TNR: variants seen among roughly 807,000 people sequenced by gnomAD.
TNR encodes the protein tenascin R.
A neutral mutation model predicts 150.4 loss-of-function variants in TNR; 45 were observed. The observed-to-expected ratio is 0.30, with a 90% CI of 0.24 to 0.38. The LOEUF is 0.38. TNR is among the 10% of genes least tolerant of loss of function. The pLI, the probability that TNR is intolerant of heterozygous loss-of-function variation, is 1.00. For synonymous variants in TNR, 687 were observed against 678.4 expected, an observed-to-expected ratio of 1.01 and a Z score of -0.20; for missense variants, 1,544 against 1,759.1, an observed-to-expected ratio of 0.88 and a Z score of 2.19.
At chr1:175,458,894 CAACT>C (rs1301927860) in intron 2 of TNR, among the ~76,000 whole-genome samples, 3 of 152,044 alleles carry the variant, frequency 2.0e-5, no homozygotes, top group Non-Finnish European at 4.4e-5. Context: ...CACTGTCCTC[CAACT>C]GTCATCATCG....
intron 1 of TNR, among the ~76,000 whole-genome samples, chr1:175,710,320 C>G (rs1666972331): frequency 6.6e-6 from 1 of 152,054 alleles, no homozygotes; most frequent in Non-Finnish European, 1.5e-5. Context: ...GACAGTGAAG[C>G]CTTCCCTGAG....
At chr1:175,344,560 G>T (rs1010832473) in intron 18 of TNR, among the ~76,000 whole-genome samples, 1 of 152,088 alleles carries the variant, frequency 6.6e-6, no homozygotes, top group South Asian at 2.1e-4. Flanking sequence ...CTGTCCTATT[G>T]AATAGTACAA....
chr1:175,530,722 C>CT (rs36074804), intron 1 of TNR, among the ~76,000 whole-genome samples: 70,174 of 149,486 alleles, frequency 0.47, 16,886 homozygotes, highest in East Asian at 0.67. Flanking sequence ...AGTGCACTCT[C>CT]TTTTTTTTTT....
intron 13 of TNR, 47 bp from the exon 14 acceptor site, chr1:175,362,856 C>T: frequency 6.2e-7 from 1 of 1,610,732 alleles, no homozygotes; most frequent in Non-Finnish European, 8.5e-7. Context: ...GCCCTTTCAT[C>T]CAAGCAGCCC....
intron 1 of TNR, among the ~76,000 whole-genome samples, chr1:175,653,307 G>A (rs1024338954): frequency 1.3e-5 from 2 of 152,192 alleles, no homozygotes; most frequent in African/African-American, 4.8e-5. Context: ...GCATGACACC[G>A]CATGCACAGT....
rs904671646 is a variant in TNR, at chr1:175,465,994, T to C, written c.-63-59217A>G. On this transcript the variant is annotated intron_variant, in intron 2 of 22. Transcript: ENST00000367674. ...CCACTTGGACCCTGGCTCTGCAACC[T>C]TGACCTCCATTCTGCCTCTGGTCTC... is the stretch of plus-strand genomic sequence containing the variant. 2.6e-5 allele frequency among the ~76,000 whole-genome samples: 4 copies of C among 152,212 alleles called. No homozygotes were observed. In the East Asian group the frequency reaches 7.7e-4, roughly 29 times the overall value.
rs114537922 is a variant in TNR, at chr1:175,458,343, A to G, written c.-63-51566T>C. ...ATCAATCCATTCATTCATTTGTTCA[A>G]TATATATATTTGTTCAAAGGGTATG... On this transcript the variant is annotated intron_variant, in intron 2 of 22. Transcript: ENST00000367674. 2.0e-3 allele frequency among the ~76,000 whole-genome samples: 297 copies of G among 152,290 alleles called. 2 individuals carry two copies. Among genetic ancestry groups the G allele is most frequent in the African/African-American group, 6.8e-3 (282 of 41,538 alleles).
chr1:175,486,235 A>G (rs1175596522), intron 2 of TNR, among the ~76,000 whole-genome samples: 1 of 151,854 alleles, frequency 6.6e-6, no homozygotes, highest in Non-Finnish European at 1.5e-5. Context: ...TCAACCCATC[A>G]TCTAAATTAG....
At chr1:175,421,066 C>A (rs994412449) in intron 2 of TNR, among the ~76,000 whole-genome samples, 2 of 152,068 alleles carry the variant, frequency 1.3e-5, no homozygotes, top group African/African-American at 4.8e-5. Context: ...TAGTGAGCAG[C>A]TAGCTGAGGT....
chr1:175,631,170 G>A (rs542293236), intron 1 of TNR, among the ~76,000 whole-genome samples: 11 of 152,142 alleles, frequency 7.2e-5, no homozygotes, highest in East Asian at 1.9e-4. Context: ...AAATATATAT[G>A]TGTGCATGCA....
In TNR at chr1:175,315,919, A is replaced by T. The variant is rs2101971744; in HGVS notation, c.*7438T>A. 6.6e-6 allele frequency: 1 copy of T among 151,924 alleles called. No homozygotes were observed. Among genetic ancestry groups the T allele is most frequent in the Middle Eastern group, 3.4e-3 (1 of 294 alleles). 9.4% of individuals were successfully genotyped at this position (151,924 alleles called of 1,614,324 possible). A position where few individuals can be genotyped will look rare whatever the true frequency, so the allele number is the denominator to read the frequency against. ...AGATTCTAAACCTTGAGTCTGTGGG[A>T]CCATGGTGTGAGTCTGGGCCTCCGC... On this transcript the variant is annotated 3_prime_UTR_variant, in exon 23 of 23. Transcript: ENST00000367674.
intron 1 of TNR, among the ~76,000 whole-genome samples, chr1:175,656,334 G>A (rs1403039147): frequency 6.6e-6 from 1 of 152,176 alleles, no homozygotes; most frequent in Non-Finnish European, 1.5e-5. Flanking sequence ...ACCTCTGCCA[G>A]CTAATGCAGG....
intron 1 of TNR, among the ~76,000 whole-genome samples, chr1:175,530,771 G>A (rs1660031660): frequency 6.7e-6 from 1 of 149,582 alleles, no homozygotes; most frequent in Admixed American, 6.7e-5. Context: ...CTTCTTCCCT[G>A]AACTATCCAC....
At chr1:175,737,424 A>G (rs1667801119) in intron 1 of TNR, among the ~76,000 whole-genome samples, 1 of 152,250 alleles carries the variant, frequency 6.6e-6, no homozygotes, top group African/African-American at 2.4e-5. Flanking sequence ...CAAAGTTTAT[A>G]GTAAGCACTC....
At chr1:175,457,364 C>T (rs1457928178) in intron 2 of TNR, among the ~76,000 whole-genome samples, 1 of 152,214 alleles carries the variant, frequency 6.6e-6, no homozygotes, top group Admixed American at 6.5e-5. Flanking sequence ...TTGGTGGCAT[C>T]CCAGGCTACA....
intron 2 of TNR, among the ~76,000 whole-genome samples, chr1:175,524,363 C>T (rs1659769305): frequency 6.6e-6 from 1 of 151,972 alleles, no homozygotes; most frequent in Admixed American, 6.6e-5. Context: ...AATGTTCTTC[C>T]CTGGAATCCA....
At chr1:175,331,069 C>CT (rs1389819862) in intron 20 of TNR, among the ~76,000 whole-genome samples, 1 of 127,568 alleles carries the variant, frequency 7.8e-6, no homozygotes, top group African/African-American at 3.1e-5. Context: ...TTCTTTCTTT[C>CT]TTTCTTTCCT....
chr1:175,605,234 A>T (rs1261227643), intron 1 of TNR, among the ~76,000 whole-genome samples: 8 of 152,194 alleles, frequency 5.3e-5, no homozygotes, highest in Non-Finnish European at 7.3e-5. Flanking sequence ...CCATTTATTC[A>T]CTATCTGGCC....
intron 2 of TNR, among the ~76,000 whole-genome samples, chr1:175,475,013 G>A (rs1657483218): frequency 1.3e-5 from 2 of 152,102 alleles, no homozygotes; most frequent in South Asian, 4.1e-4. Context: ...GTTTGTTAAG[G>A]GCAGAAGTGG....
Sources: gnomAD v4.1 joint callset for allele counts (sites outside exome capture counted in the v4.1 genomes callset) on GRCh38, gnomAD v4.1.1 for gene constraint, MANE v1.5 for transcripts, NCBI Gene and HGNC (gene_info 2026-07-23, HGNC 2026-07-21) for gene names.